ASTN2: variants seen among roughly 807,000 people sequenced by gnomAD.
The protein encoded by ASTN2 is astrotactin 2, also known as astrotactin-2.
ASTN2 carries 54 observed loss-of-function variants against 139.8 expected under a neutral mutation model. That is an observed-to-expected ratio of 0.39 (90% CI 0.31 to 0.48). The LOEUF is 0.48. Among genes scored for constraint, ASTN2 ranks in the 20% least tolerant of loss-of-function variants. The pLI is 0.95. For synonymous variants in ASTN2, 756 were observed against 719.5 expected, an observed-to-expected ratio of 1.05 and a Z score of -0.81; for missense variants, 1,565 against 1,725.1, an observed-to-expected ratio of 0.91 and a Z score of 1.64.
intron 7 of ASTN2, among the ~76,000 whole-genome samples, chr9:117,005,918 G>A (rs1343306910): frequency 6.6e-6 from 1 of 152,024 alleles, no homozygotes; most frequent in Non-Finnish European, 1.5e-5. Flanking sequence ...AAGAAGCAGG[G>A]GCTATCCTAG....
rs188785276 is a variant in ASTN2 at position 117,207,872 on chromosome 9, T to A, written c.1015+6486A>T. On this transcript the variant is annotated intron_variant, in intron 3 of 22. Coordinates refer to ENST00000313400, the MANE Select transcript of ASTN2 (RefSeq NM_001365068.1). ...CACAAACTCTCTCAGCCTAGGTCACTGAGTATCTTACAAATGTCACTAATG... is the reference window on the plus strand; with the variant it reads ...CACAAACTCTCTCAGCCTAGGTCACAGAGTATCTTACAAATGTCACTAATG... Among the ~76,000 whole-genome samples, 351 of 152,362 alleles carry A rather than the reference T, an allele frequency of 2.3e-3. 2 individuals carry two copies. The highest frequency in any genetic ancestry group is 8.1e-3 in the African/African-American group (338 of 41,568).
At chr9:117,275,707 A>G (rs1387081262) in intron 2 of ASTN2, among the ~76,000 whole-genome samples, 1 of 151,902 alleles carries the variant, frequency 6.6e-6, no homozygotes, top group Non-Finnish European at 1.5e-5. Flanking sequence ...CTGTGATTAC[A>G]GGCATGTGCC....
intron 1 of ASTN2, among the ~76,000 whole-genome samples, chr9:117,408,368 G>A (rs1207057110): frequency 6.6e-6 from 1 of 152,122 alleles, no homozygotes; most frequent in Non-Finnish European, 1.5e-5. Flanking sequence ...ATAAAATAGA[G>A]GGGTTGAATT....
chr9:116,694,459 CTT>C lies in ASTN2; in HGVS notation c.2806+31310_2806+31311del, dbSNP rs56666915. On this transcript the variant is annotated intron_variant, in intron 16 of 22. Coordinates refer to ENST00000313400, the MANE Select transcript of ASTN2 (RefSeq NM_001365068.1). ...GCATGGATCCTGAGTTGTAATTTCT[CTT>C]TTTTTTTTTTTTTTTTTTGAGATGG... 2.5e-4 allele frequency among the ~76,000 whole-genome samples: 22 copies of C among 88,040 alleles called. 1 individual carries two copies. Among genetic ancestry groups the C allele is most frequent in the Admixed American group, 4.8e-4 (3 of 6,230 alleles). The allele number at this position is 88,040 out of a possible 152,430, so 57.8% of individuals were successfully genotyped here.
intron 1 of ASTN2, among the ~76,000 whole-genome samples, chr9:117,382,284 A>G (rs925878184): frequency 6.6e-6 from 1 of 152,124 alleles, no homozygotes; most frequent in Admixed American, 6.6e-5. Flanking sequence ...GGTGTGGAGG[A>G]CTAGCATTAT....
chr9:117,063,809 C>T (rs558082472), intron 5 of ASTN2, among the ~76,000 whole-genome samples: 56 of 152,028 alleles, frequency 3.7e-4, no homozygotes, highest in Non-Finnish European at 7.5e-4. Context: ...CCAGTGGGCT[C>T]CTAGGTTGGG....
chr9:117,230,317 C>T (rs1327277756), intron 2 of ASTN2, among the ~76,000 whole-genome samples: 1 of 152,078 alleles, frequency 6.6e-6, no homozygotes, highest in African/African-American at 2.4e-5. Flanking sequence ...ACAGGAGACT[C>T]CTCCCTTGCC....
At chr9:116,672,375 A>AG (rs1437806646) in intron 16 of ASTN2, among the ~76,000 whole-genome samples, 1 of 152,122 alleles carries the variant, frequency 6.6e-6, no homozygotes, top group Non-Finnish European at 1.5e-5. Context: ...CAAAAAAAAA[A>AG]AAAATCTAGT....
At position 117,113,684 on chromosome 9, in the gene ASTN2, A is replaced by C. The variant is rs527403323; in HGVS notation, c.1169-17533T>G. ...AAAACAAAACAAAACAAAACAAAAAAAAAAGGATCTACTGACAGGTGTAAA... is the reference window on the plus strand; with the variant it reads ...AAAACAAAACAAAACAAAACAAAAACAAAAGGATCTACTGACAGGTGTAAA... On this transcript the variant is annotated intron_variant, in intron 4 of 22. Transcript: ENST00000313400. 2.0e-3 allele frequency among the ~76,000 whole-genome samples: 312 copies of C among 152,266 alleles called. 3 individuals carry two copies. Among genetic ancestry groups the C allele is most frequent in the African/African-American group, 6.1e-3 (254 of 41,554 alleles).
intron 1 of ASTN2, among the ~76,000 whole-genome samples, chr9:117,365,313 A>AAAAGAAAG (rs199655241): frequency 2.6e-4 from 38 of 148,154 alleles, no homozygotes; most frequent in African/African-American, 7.9e-4. Context: ...GAAAGAAAGA[A>AAAAGAAAG]AAAGAAAGAA....
Position 117,378,843 on chromosome 9 carries a change from G to A in ASTN2, c.442+35654C>T, listed in dbSNP as rs76997391. On this transcript the variant is annotated intron_variant, in intron 1 of 22. Coordinates refer to ENST00000313400, the MANE Select transcript of ASTN2 (RefSeq NM_001365068.1). Reference sequence around the variant, plus strand: ...CTGTAATCCTCAGTGTTGGAGGTGGGGCCTAGTGGGAAGTGATTGGATTCT... The same window carrying A: ...CTGTAATCCTCAGTGTTGGAGGTGGAGCCTAGTGGGAAGTGATTGGATTCT... Among the ~76,000 whole-genome samples the A allele has an allele frequency of 7.9e-5, 12 of 152,260 alleles. No homozygotes were observed. In the East Asian group the frequency reaches 2.1e-3, roughly 27 times the overall value.
chr9:117,031,406 T>C (rs1399321636), intron 6 of ASTN2, among the ~76,000 whole-genome samples: 3 of 152,102 alleles, frequency 2.0e-5, no homozygotes, highest in Non-Finnish European at 2.9e-5. Context: ...CTTGAAAAAA[T>C]TTAAGTCTAA....
At chr9:117,309,765 G>A (rs190454842) in intron 1 of ASTN2, among the ~76,000 whole-genome samples, 11 of 152,144 alleles carry the variant, frequency 7.2e-5, no homozygotes, top group Non-Finnish European at 1.6e-4. Context: ...AAGCAGCTGG[G>A]TGTAGAGGAT....
chr9:116,587,088 C>G (rs892129068), intron 19 of ASTN2, among the ~76,000 whole-genome samples: 3 of 152,104 alleles, frequency 2.0e-5, no homozygotes, highest in Non-Finnish European at 2.9e-5. Flanking sequence ...CGCCTGTAAT[C>G]CCAACACTTT....
intron 10 of ASTN2, among the ~76,000 whole-genome samples, chr9:116,974,913 C>T (rs759680249): frequency 6.6e-6 from 1 of 152,160 alleles, no homozygotes; most frequent in African/African-American, 2.4e-5. Context: ...GACTCTCCAA[C>T]ATACTGTTAA....
At chr9:117,123,900 C>T (rs1358404524) in intron 4 of ASTN2, among the ~76,000 whole-genome samples, 3 of 152,218 alleles carry the variant, frequency 2.0e-5, no homozygotes, top group African/African-American at 4.8e-5. Context: ...ATTCTTTCCT[C>T]TCATCTCTGC....
intron 1 of ASTN2, among the ~76,000 whole-genome samples, chr9:117,327,929 G>T (rs546389548): frequency 6.6e-6 from 1 of 152,130 alleles, no homozygotes; most frequent in African/African-American, 2.4e-5. Flanking sequence ...AGAGTTTGGC[G>T]TCTAGTAAGT....
intron 19 of ASTN2, among the ~76,000 whole-genome samples, chr9:116,560,585 G>A (rs1023668716): frequency 6.6e-6 from 1 of 152,036 alleles, no homozygotes; most frequent in Non-Finnish European, 1.5e-5. Flanking sequence ...TAGCACAAGT[G>A]AGCTCTTTCT....
chr9:117,098,240 A>G (rs1181682446), intron 4 of ASTN2, among the ~76,000 whole-genome samples: 1 of 152,222 alleles, frequency 6.6e-6, no homozygotes, highest in Non-Finnish European at 1.5e-5. Context: ...CCGAATTCAT[A>G]CTACCCTTAG....
Sources: gnomAD v4.1 joint callset for allele counts (sites outside exome capture counted in the v4.1 genomes callset) on GRCh38, gnomAD v4.1.1 for gene constraint, MANE v1.5 for transcripts, NCBI Gene and HGNC (gene_info 2026-07-23, HGNC 2026-07-21) for gene names.